ADGRL3: variants seen among roughly 807,000 people sequenced by gnomAD.
ADGRL3 encodes the protein adhesion G protein-coupled receptor L3.
ADGRL3 carries 62 observed loss-of-function variants against 153.5 expected under a neutral mutation model. That is an observed-to-expected ratio of 0.40 (90% CI 0.33 to 0.50). The LOEUF is 0.50. ADGRL3 is among the 20% of genes least tolerant of loss of function. The pLI, the probability that ADGRL3 is intolerant of heterozygous loss-of-function variation, is 0.47. For synonymous variants in ADGRL3, 710 were observed against 672.5 expected (o/e 1.06, Z -0.86); for missense variants, 1,641 against 1,859.4 (o/e 0.88, Z 2.16).
chr4:61,612,774 ATTAC>A (rs1442465293), intron 5 of ADGRL3, among the ~76,000 whole-genome samples: 1 of 152,108 alleles, frequency 6.6e-6, no homozygotes, highest in Non-Finnish European at 1.5e-5. Flanking sequence ...AACACCCTTA[ATTAC>A]TTATTACTAT....
At chr4:61,812,285 A>G (rs2097637599) in intron 8 of ADGRL3, among the ~76,000 whole-genome samples, 1 of 152,202 alleles carries the variant, frequency 6.6e-6, no homozygotes, top group Non-Finnish European at 1.5e-5. Flanking sequence ...GGGACTCTGT[A>G]TATTACAGTC....
intron 6 of ADGRL3, among the ~76,000 whole-genome samples, chr4:61,691,940 T>C (rs957875447): frequency 4.6e-5 from 7 of 152,102 alleles, no homozygotes; most frequent in East Asian, 3.9e-4. Context: ...TAGCAGCTCA[T>C]TTTCTGATTG....
intron 15 of ADGRL3, among the ~76,000 whole-genome samples, chr4:61,937,330 G>C (rs953997823): frequency 6.6e-6 from 1 of 151,534 alleles, no homozygotes; most frequent in Non-Finnish European, 1.5e-5. Flanking sequence ...TGTTCTGTGT[G>C]ATCCAGACAG....
intron 9 of ADGRL3, among the ~76,000 whole-genome samples, chr4:61,850,165 C>T (rs912246478): frequency 6.6e-6 from 1 of 152,090 alleles, no homozygotes; most frequent in Non-Finnish European, 1.5e-5. Context: ...ATTTACTGAG[C>T]ACATACCATG....
In ADGRL3 at chr4:62,070,797, C is replaced by T. The variant is rs1271197942; in HGVS notation, c.4521C>T (p.Tyr1507=). The T allele has an allele frequency of 6.4e-7, 1 of 1,551,590 alleles. No individual in the cohort carries two copies. Among genetic ancestry groups the T allele is most frequent in the Non-Finnish European group, 8.7e-7 (1 of 1,146,990 alleles). The change falls in exon 27 of 27, where the codon TAC becomes TAT. Residue 1507 remains tyrosine (Y), a synonymous_variant. Coordinates refer to ENST00000683033, the MANE Select transcript of ADGRL3 (RefSeq NM_001387552.1). ...ACCACGTCCATCAGCTGCATACTTA[C>T]TACCAGCTAGGTCGCGGCAGCAGTG... ...SRNHVHQLHT[Y]YQLGRGSSDG...
intron 6 of ADGRL3, among the ~76,000 whole-genome samples, chr4:61,704,089 C>A (rs2095815065): frequency 6.6e-6 from 1 of 152,098 alleles, no homozygotes; most frequent in Non-Finnish European, 1.5e-5. Context: ...TTATTACTTG[C>A]TGAAAGATTT....
intron 2 of ADGRL3, among the ~76,000 whole-genome samples, chr4:61,496,021 A>G (rs1003401977): frequency 2.6e-5 from 4 of 152,212 alleles, no homozygotes; most frequent in African/African-American, 9.6e-5. Context: ...ATCATCGTAC[A>G]TTGTTATTTA....
chr4:61,636,076 C>T (rs1357375001), intron 5 of ADGRL3, among the ~76,000 whole-genome samples: 2 of 152,058 alleles, frequency 1.3e-5, no homozygotes, highest in Non-Finnish European at 2.9e-5. Context: ...AAAGGGGATA[C>T]AATTCACCTC....
intron 13 of ADGRL3, among the ~76,000 whole-genome samples, chr4:61,924,188 A>G (rs1233531347): frequency 6.6e-6 from 1 of 152,118 alleles, no homozygotes; most frequent in African/African-American, 2.4e-5. Context: ...CATCTAACAC[A>G]GCTGATCACC....
chr4:61,549,967 G>T (rs1309260746), intron 4 of ADGRL3, among the ~76,000 whole-genome samples: 4 of 151,770 alleles, frequency 2.6e-5, no homozygotes, highest in African/African-American at 7.3e-5. Flanking sequence ...AATCTTAGAA[G>T]TATACATTTA....
At chr4:61,286,715 T>C in intron 1 of ADGRL3, among the ~76,000 whole-genome samples, 1 of 151,812 alleles carries the variant, frequency 6.6e-6, no homozygotes, top group African/African-American at 2.4e-5. Context: ...CTTATGTAAA[T>C]TTATCATATT....
intron 9 of ADGRL3, among the ~76,000 whole-genome samples, chr4:61,863,917 T>C (rs1011042411): frequency 3.3e-5 from 5 of 152,236 alleles, no homozygotes; most frequent in Non-Finnish European, 7.3e-5. Context: ...AATGAAATCC[T>C]GTACTGCAGT....
chr4:61,736,589 C>CG (rs1476716959), intron 8 of ADGRL3, among the ~76,000 whole-genome samples: 1 of 152,044 alleles, frequency 6.6e-6, no homozygotes, highest in Non-Finnish European at 1.5e-5. Context: ...ACCTGGGAGG[C>CG]GGAGGTTGCA....
intron 6 of ADGRL3, among the ~76,000 whole-genome samples, chr4:61,693,889 C>G (rs1038961113): frequency 6.6e-6 from 1 of 152,066 alleles, no homozygotes; most frequent in Non-Finnish European, 1.5e-5. Flanking sequence ...AGTCCAAATT[C>G]TTTGTCAAGG....
chr4:61,533,927 C>A (rs1056282542), intron 4 of ADGRL3, among the ~76,000 whole-genome samples: 1 of 151,984 alleles, frequency 6.6e-6, no homozygotes, highest in Non-Finnish European at 1.5e-5. Context: ...AGGGGATACA[C>A]GTGCAGGTTT....
At chr4:61,482,405 A>G (rs1439263443) in intron 2 of ADGRL3, among the ~76,000 whole-genome samples, 1 of 152,144 alleles carries the variant, frequency 6.6e-6, no homozygotes, top group Non-Finnish European at 1.5e-5. Context: ...ATCACAGTCA[A>G]TCTGTGTTCC....
At chr4:61,277,451 T>A (rs991270738) in intron 1 of ADGRL3, among the ~76,000 whole-genome samples, 4 of 152,182 alleles carry the variant, frequency 2.6e-5, no homozygotes, top group South Asian at 2.1e-4. Flanking sequence ...CTATTTATTT[T>A]ATTTAATTTA....
At chr4:61,767,672 A>G (rs1458388642) in intron 8 of ADGRL3, among the ~76,000 whole-genome samples, 1 of 152,164 alleles carries the variant, frequency 6.6e-6, no homozygotes, top group East Asian at 1.9e-4. Context: ...GTGGGGTCCC[A>G]CACAGATGGG....
chr4:61,235,721 T>C (rs1752531329), intron 1 of ADGRL3, among the ~76,000 whole-genome samples: 1 of 152,188 alleles, frequency 6.6e-6, no homozygotes, highest in Non-Finnish European at 1.5e-5. Flanking sequence ...GATAGATAAC[T>C]TGACTAACCT....
Sources: allele counts gnomAD v4.1 joint callset (sites outside exome capture counted in the v4.1 genomes callset), GRCh38; gene constraint gnomAD v4.1.1; transcripts MANE v1.5; gene names NCBI Gene and HGNC (gene_info 2026-07-23, HGNC 2026-07-21).